The following KCNN2 variants were observed in gnomAD, a reference collection of about 807,000 sequenced individuals.
KCNN2 encodes small conductance calcium-activated potassium channel protein 2.
A neutral mutation model predicts 55.5 loss-of-function variants in KCNN2; 24 were observed. That is an observed-to-expected ratio of 0.43 (90% CI 0.31 to 0.61). KCNN2 has a LOEUF of 0.61. Ranked by LOEUF, KCNN2 falls within the 20% of genes least tolerant of loss-of-function variation. The probability of loss-of-function intolerance (pLI) is 0.08; values close to 1 mark genes in which losing one functional copy is unlikely to be tolerated. For missense variants in KCNN2, 754 were observed against 853.6 expected (o/e 0.88, Z 1.45); for synonymous variants, 431 against 336.1 (o/e 1.28, Z -3.09).
At chr5:114,414,639 G>A (rs1185170206) in intron 3 of KCNN2, among the ~76,000 whole-genome samples, 1 of 152,064 alleles carries the variant, frequency 6.6e-6, no homozygotes, top group Non-Finnish European at 1.5e-5. Flanking sequence ...AAAGGCCCAG[G>A]CATCAGATAT....
At chr5:114,198,543 A>T (rs1478696086) in intron 1 of KCNN2, among the ~76,000 whole-genome samples, 1 of 151,318 alleles carries the variant, frequency 6.6e-6, no homozygotes, top group African/African-American at 2.4e-5. Flanking sequence ...TATCTTTGCT[A>T]TTGTGAATAG....
At chr5:114,206,420 C>G (rs1233596164) in intron 1 of KCNN2, among the ~76,000 whole-genome samples, 2 of 152,256 alleles carry the variant, frequency 1.3e-5, no homozygotes, top group South Asian at 2.1e-4. Flanking sequence ...GCTCCTGAAT[C>G]CATGATTTCT....
intron 1 of KCNN2, among the ~76,000 whole-genome samples, chr5:114,191,518 G>T (rs938942252): frequency 6.6e-6 from 1 of 152,124 alleles, no homozygotes; most frequent in East Asian, 1.9e-4. Flanking sequence ...GGAAGAAGTG[G>T]TTCGTTTAAG....
chr5:114,107,063 A>G (rs1335863287), intron 1 of KCNN2, among the ~76,000 whole-genome samples: 1 of 152,046 alleles, frequency 6.6e-6, no homozygotes, highest in Non-Finnish European at 1.5e-5. Flanking sequence ...ACTTATTTTT[A>G]TGCATGAAGT....
intron 3 of KCNN2, among the ~76,000 whole-genome samples, chr5:114,428,393 T>G (rs1759689681): frequency 6.6e-6 from 1 of 152,198 alleles, no homozygotes; most frequent in Admixed American, 6.5e-5. Flanking sequence ...ATTATGCTAA[T>G]GGAATAGTTG....
chr5:114,334,796 C>T (rs74674669), intron 2 of KCNN2, among the ~76,000 whole-genome samples: 77 of 152,228 alleles, frequency 5.1e-4, no homozygotes, highest in African/African-American at 1.7e-3. Flanking sequence ...AAACTACCTA[C>T]CCATTAAGAG....
At chr5:114,472,766 A>G (rs1192691357) in intron 4 of KCNN2, among the ~76,000 whole-genome samples, 2 of 152,154 alleles carry the variant, frequency 1.3e-5, no homozygotes, top group African/African-American at 4.8e-5. Context: ...TCTGTTTTTT[A>G]AAAAGTCTCC....
intron 1 of KCNN2, among the ~76,000 whole-genome samples, chr5:114,178,524 A>G (rs1753179910): frequency 6.6e-6 from 1 of 152,232 alleles, no homozygotes; most frequent in Admixed American, 6.5e-5. Flanking sequence ...AATTCCAGAT[A>G]GAATTACCCA....
chr5:114,367,039 T>C (rs1469554199), intron 2 of KCNN2, among the ~76,000 whole-genome samples: 2 of 152,240 alleles, frequency 1.3e-5, no homozygotes, highest in African/African-American at 4.8e-5. Flanking sequence ...TCTGGCTCTA[T>C]GTCCTCTGGA....
In KCNN2 at chr5:114,405,305, T is replaced by G. The variant is rs745335178; in HGVS notation, c.1637+449T>G. 2.0e-4 allele frequency among the ~76,000 whole-genome samples: 30 copies of G among 152,326 alleles called. 1 individual carries two copies. The highest frequency in any genetic ancestry group is 1.4e-3 in the Admixed American group (21 of 15,302). On this transcript the variant is annotated intron_variant, in intron 3 of 7. Transcript: ENST00000673685. Reference sequence around the variant, plus strand: ...AAAGCGGTTTGTTGGTTTTAGTGCCTGTATATAATAGTTTTCAAATGATTA... The same window carrying G: ...AAAGCGGTTTGTTGGTTTTAGTGCCGGTATATAATAGTTTTCAAATGATTA...
chr5:114,137,135 C>T (rs1053317334), intron 1 of KCNN2, among the ~76,000 whole-genome samples: 1 of 152,068 alleles, frequency 6.6e-6, no homozygotes, highest in African/African-American at 2.4e-5. Context: ...ATAGTCCTCC[C>T]CCTACGCTCC....
chr5:114,391,330 C>T (rs1318801990), intron 2 of KCNN2, among the ~76,000 whole-genome samples: 3 of 152,130 alleles, frequency 2.0e-5, no homozygotes, highest in Non-Finnish European at 4.4e-5. Flanking sequence ...TTACTAGGGA[C>T]AGCAGAGTGG....
chr5:114,210,912 A>G (rs372781192), intron 1 of KCNN2, among the ~76,000 whole-genome samples: 11 of 152,132 alleles, frequency 7.2e-5, no homozygotes, highest in Non-Finnish European at 1.5e-4. Context: ...AAGGTGTTAC[A>G]GAACAGACAC....
intron 2 of KCNN2, among the ~76,000 whole-genome samples, chr5:114,235,596 G>T (rs56159886): frequency 5.3e-5 from 8 of 152,018 alleles, no homozygotes; most frequent in African/African-American, 1.9e-4. Context: ...TATTACCAAC[G>T]TGTATACATG....
intron 3 of KCNN2, among the ~76,000 whole-genome samples, chr5:114,456,310 A>G (rs1371791658): frequency 6.6e-6 from 1 of 152,216 alleles, no homozygotes; most frequent in African/African-American, 2.4e-5. Context: ...TAAATGGAAC[A>G]ACAAAGCCTG....
intron 1 of KCNN2, among the ~76,000 whole-genome samples, chr5:114,129,360 A>G (rs1026801683): frequency 2.0e-5 from 3 of 152,192 alleles, no homozygotes; most frequent in African/African-American, 7.2e-5. Flanking sequence ...TTCTTCTGCT[A>G]CCTTATCAGG....
chr5:114,069,229 G>A (rs1014883421), intron 1 of KCNN2, among the ~76,000 whole-genome samples: 17 of 152,246 alleles, frequency 1.1e-4, no homozygotes, highest in South Asian at 4.1e-4. Flanking sequence ...TTGGGGAAGC[G>A]TTTGCCAGCT....
At chr5:114,143,616 T>G (rs1470750700) in intron 1 of KCNN2, among the ~76,000 whole-genome samples, 1 of 152,192 alleles carries the variant, frequency 6.6e-6, no homozygotes, top group African/African-American at 2.4e-5. Flanking sequence ...TGTTTTTCTG[T>G]GATAGGAATC....
intron 1 of KCNN2, among the ~76,000 whole-genome samples, chr5:114,195,119 A>G (rs947933183): frequency 1.3e-5 from 2 of 151,962 alleles, no homozygotes; most frequent in African/African-American, 2.4e-5. Flanking sequence ...GAAATAAAAA[A>G]GTGTGAGTCT....
Sources: allele counts gnomAD v4.1 joint callset (sites outside exome capture counted in the v4.1 genomes callset), GRCh38; gene constraint gnomAD v4.1.1; transcripts MANE v1.5; gene names NCBI Gene and HGNC (gene_info 2026-07-23, HGNC 2026-07-21).